The following PCDHA7 variants were observed in gnomAD, a reference collection of about 807,000 sequenced individuals.
The protein encoded by PCDHA7 is protocadherin alpha-7.
In PCDHA7, 37 loss-of-function variants were observed where a neutral mutation model predicts 57.2. The observed-to-expected ratio is 0.65, with a 90% CI of 0.50 to 0.85. The LOEUF is 0.85. PCDHA7 is among the 40% of genes least tolerant of loss of function. The pLI is 0.00. For missense variants in PCDHA7, 1,188 were observed against 1,241.8 expected (o/e 0.96, Z 0.65); for synonymous variants, 553 against 558.8 (o/e 0.99, Z 0.15).
intron 1 of PCDHA7, chr5:140,968,169 G>A (rs781969621): frequency 6.8e-6 from 11 of 1,613,982 alleles, no homozygotes; most frequent in African/African-American, 1.3e-5. Context: ...AATCCACCAA[G>A]CTTCCTGGAG....
rs1314972050 is a variant in PCDHA7, at chr5:141,011,103, T to A, written c.*1166T>A. 6.5e-6 allele frequency: 1 copy of A among 153,762 alleles called. No individual in the cohort carries two copies. Among genetic ancestry groups the A allele is most frequent in the Non-Finnish European group, 1.5e-5 (1 of 68,036 alleles). The allele number at this position is 153,762 out of a possible 1,614,324, so 9.5% of individuals were successfully genotyped here. A position where few individuals can be genotyped will look rare whatever the true frequency, so the allele number is the denominator to read the frequency against. On this transcript the variant is annotated 3_prime_UTR_variant, in exon 4 of 4. Coordinates refer to ENST00000525929, the MANE Select transcript of PCDHA7 (RefSeq NM_018910.3). ...TGATCTCTCTTTCTCTCTCTCTCTC[T>A]CTTTTCTAAGAAACAATTATGTGCA... is the stretch of plus-strand genomic sequence containing the variant.
At chr5:140,879,512 G>C (rs1378276808) in intron 1 of PCDHA7, among the ~76,000 whole-genome samples, 1 of 152,156 alleles carries the variant, frequency 6.6e-6, no homozygotes, top group Non-Finnish European at 1.5e-5. Flanking sequence ...AGAGATTATT[G>C]ATATAGATTT....
chr5:140,876,256 A>G (rs1554168418), intron 1 of PCDHA7: 1 of 1,614,042 alleles, frequency 6.2e-7, no homozygotes, highest in East Asian at 2.2e-5. Context: ...CACAAGAGTG[A>G]TCCAACTAAA....
In PCDHA7 at chr5:140,937,678, T is replaced by C. The variant is rs570305485; in HGVS notation, c.2356-41271T>C. On this transcript the variant is annotated intron_variant, in intron 1 of 3. Coordinates refer to ENST00000525929, the MANE Select transcript of PCDHA7 (RefSeq NM_018910.3). ...CTGTAATCCCAGCACTTTGGGAGGC[T>C]GAGGCAGGCGGATCACGAGGTCAGG... Among the ~76,000 whole-genome samples the C allele has an allele frequency of 5.4e-3, 825 of 151,734 alleles. 2 individuals are homozygous for C. Among genetic ancestry groups the C allele is most frequent in the African/African-American group, 0.019 (794 of 41,384 alleles).
intron 1 of PCDHA7, chr5:140,851,076 A>G: frequency 7.5e-7 from 1 of 1,337,516 alleles, no homozygotes; most frequent in Non-Finnish European, 9.8e-7. Flanking sequence ...AGAATTATAA[A>G]CTGTATATTA....
At chr5:140,883,272 C>T in intron 1 of PCDHA7, 1 of 1,613,880 alleles carries the variant, frequency 6.2e-7, no homozygotes, top group Non-Finnish European at 8.5e-7. Context: ...GGTCATTGTA[C>T]CCTTTTGGTG....
chr5:140,867,455 GTGTTATGACAACAT>G (rs1181061872), intron 1 of PCDHA7: 1 of 152,006 alleles, frequency 6.6e-6, no homozygotes, highest in East Asian at 1.9e-4. Flanking sequence ...TAGAGTTCTA[GTGTTATGACAACAT>G]TGGGAAAAGA....
intron 1 of PCDHA7, among the ~76,000 whole-genome samples, chr5:140,844,649 T>G (rs1416986157): frequency 6.7e-6 from 1 of 149,658 alleles, no homozygotes; most frequent in Non-Finnish European, 1.5e-5. Flanking sequence ...AATTTCATTC[T>G]TGCAAACCAA....
rs1318602549 is a variant in PCDHA7, at chr5:140,842,870, G to T, written c.2355+6132G>T. On this transcript the variant is annotated intron_variant, in intron 1 of 3. Coordinates refer to ENST00000525929, the MANE Select transcript of PCDHA7 (RefSeq NM_018910.3). ...TTCGGTGCACACGGAGAGCGGCAAG[G>T]TGTACGCGCTGCAGCCGCTGGACCA... 4.4e-6 allele frequency: 7 copies of T among 1,593,934 alleles called. 1 individual carries two copies. Among genetic ancestry groups the T allele is most frequent in the Non-Finnish European group, 6.0e-6 (7 of 1,165,422 alleles).
At chr5:140,905,928 A>G (rs2072211023) in intron 1 of PCDHA7, among the ~76,000 whole-genome samples, 1 of 152,238 alleles carries the variant, frequency 6.6e-6, no homozygotes, top group Admixed American at 6.5e-5. Context: ...TGAGTCCCAA[A>G]GCTGAAGAAC....
At chr5:140,949,584 A>T (rs1313706016) in intron 1 of PCDHA7, among the ~76,000 whole-genome samples, 5 of 151,722 alleles carry the variant, frequency 3.3e-5, no homozygotes, top group Admixed American at 6.6e-5. Context: ...CTTTTGTGTG[A>T]TATTAATGTG....
intron 1 of PCDHA7, among the ~76,000 whole-genome samples, chr5:140,899,982 A>T (rs185115696): frequency 3.3e-4 from 49 of 150,716 alleles, no homozygotes; most frequent in African/African-American, 1.1e-3. Flanking sequence ...TACTTTTTTG[A>T]TTTTTTTTGT....
chr5:140,917,777 T>C (rs913092177), intron 1 of PCDHA7, among the ~76,000 whole-genome samples: 7 of 152,214 alleles, frequency 4.6e-5, no homozygotes, highest in Non-Finnish European at 1.0e-4. Context: ...ATTAGTACCA[T>C]GTTGTTTTGG....
intron 1 of PCDHA7, among the ~76,000 whole-genome samples, chr5:140,887,600 G>A (rs1306659335): frequency 6.6e-6 from 1 of 151,812 alleles, no homozygotes; most frequent in African/African-American, 2.4e-5. Context: ...TGATTGTGAT[G>A]TGCTTTAGTA....
chr5:140,979,074 C>T, intron 2 of PCDHA7, 67 bp downstream of exon 2: 4 of 1,583,968 alleles, frequency 2.5e-6, no homozygotes, highest in Non-Finnish European at 2.6e-6. Context: ...TAAACTGCAT[C>T]TCCATAGGCC....
chr5:140,850,103 C>G (rs2150467019), intron 1 of PCDHA7: 2 of 1,596,104 alleles, frequency 1.3e-6, no homozygotes, highest in Admixed American at 3.4e-5. Flanking sequence ...TCCAGGTGAG[C>G]GCGCGCGACG....
At chr5:140,973,273 C>A (rs1180418925) in intron 1 of PCDHA7, among the ~76,000 whole-genome samples, 1 of 152,150 alleles carries the variant, frequency 6.6e-6, no homozygotes, top group Non-Finnish European at 1.5e-5. Flanking sequence ...ACTTTTATTT[C>A]CCCCAGCACT....
At chr5:140,883,030 C>T (rs1554176556) in intron 1 of PCDHA7, 1 of 1,614,058 alleles carries the variant, frequency 6.2e-7, no homozygotes, top group Non-Finnish European at 8.5e-7. Context: ...TGTTAGAGAA[C>T]GCCTTCAATG....
intron 3 of PCDHA7, among the ~76,000 whole-genome samples, chr5:140,987,487 C>A (rs868928905): frequency 6.6e-6 from 1 of 152,154 alleles, no homozygotes; most frequent in Non-Finnish European, 1.5e-5. Flanking sequence ...GTCAGTGACC[C>A]TTTCTGAATT....
Sources: allele counts gnomAD v4.1 joint callset (sites outside exome capture counted in the v4.1 genomes callset), GRCh38; gene constraint gnomAD v4.1.1; transcripts MANE v1.5; gene names NCBI Gene and HGNC (gene_info 2026-07-23, HGNC 2026-07-21).